Variants in IGF2BP3 observed in about 807,000 individuals in gnomAD.
The protein encoded by IGF2BP3 is insulin-like growth factor 2 mRNA-binding protein 3.
IGF2BP3 carries 9 observed loss-of-function variants against 73.8 expected under a neutral mutation model. The ratio of observed to expected loss-of-function variants is 0.12; its 90% CI spans 0.07 to 0.21. The LOEUF is 0.21. Among genes scored for constraint, IGF2BP3 ranks in the 10% least tolerant of loss-of-function variants. The pLI is 1.00. For synonymous variants in IGF2BP3, 258 were observed against 256.7 expected (o/e 1.01, Z -0.05); for missense variants, 542 against 714.0 (o/e 0.76, Z 2.75).
intron 2 of IGF2BP3, among the ~76,000 whole-genome samples, chr7:23,432,774 G>A (rs947566788): frequency 6.6e-6 from 1 of 152,044 alleles, no homozygotes; most frequent in African/African-American, 2.4e-5. Flanking sequence ...TCAAGTAGCT[G>A]GGACTACAGG....
chr7:23,388,263 A>G (rs934412471), intron 3 of IGF2BP3, among the ~76,000 whole-genome samples: 1 of 152,212 alleles, frequency 6.6e-6, no homozygotes, highest in Admixed American at 6.5e-5. Flanking sequence ...CATTAAATAT[A>G]TGATCCAGTT....
At chr7:23,331,332 T>C (rs564677482) in intron 10 of IGF2BP3, among the ~76,000 whole-genome samples, 8 of 152,318 alleles carry the variant, frequency 5.3e-5, no homozygotes, top group East Asian at 3.9e-4. Flanking sequence ...AAAAATTTGA[T>C]TGCATCATTA....
chr7:23,429,735 G>A (rs1787619244), intron 2 of IGF2BP3, among the ~76,000 whole-genome samples: 1 of 152,102 alleles, frequency 6.6e-6, no homozygotes, highest in Non-Finnish European at 1.5e-5. Context: ...GCAACTATGA[G>A]GAAAACACAA....
chr7:23,353,255 C>T lies in IGF2BP3; in HGVS notation c.402-1669G>A, dbSNP rs117802655. On this transcript the variant is annotated intron_variant, in intron 5 of 14. Transcript: ENST00000258729. The stretch of plus-strand genomic sequence containing the variant: ...CTTATACACTGCTTTATTTGCAAAT[C>T]TACTCTCAATTCTTAAATAGAAAAA... Among the ~76,000 whole-genome samples, 910 of 152,234 alleles carry T rather than the reference C, an allele frequency of 6.0e-3. 5 individuals carry two copies. Among genetic ancestry groups the T allele is most frequent in the Non-Finnish European group, 7.2e-3 (491 of 68,018 alleles).
At chr7:23,444,763 AAAT>A (rs1788019907) in intron 2 of IGF2BP3, among the ~76,000 whole-genome samples, 1 of 151,428 alleles carries the variant, frequency 6.6e-6, no homozygotes, top group Admixed American at 6.6e-5. Context: ...AAAAAAAAAA[AAAT>A]TGCTTTTTAA....
chr7:23,369,474 C>A (rs1785482046), intron 3 of IGF2BP3, among the ~76,000 whole-genome samples: 1 of 152,180 alleles, frequency 6.6e-6, no homozygotes, highest in African/African-American at 2.4e-5. Context: ...GCTTGACAGT[C>A]TTACCACGAA....
chr7:23,418,617 C>T (rs1787258895), intron 3 of IGF2BP3, among the ~76,000 whole-genome samples, 159 bp downstream of exon 3: 1 of 152,178 alleles, frequency 6.6e-6, no homozygotes, highest in Non-Finnish European at 1.5e-5. Context: ...ATACACTGTG[C>T]CCTTACTAAG....
At chr7:23,330,077 G>C (rs1324442331) in intron 10 of IGF2BP3, among the ~76,000 whole-genome samples, 3 of 152,006 alleles carry the variant, frequency 2.0e-5, no homozygotes, top group Admixed American at 1.3e-4. Context: ...ACAAGGTCAG[G>C]AGTTCGACAC....
At chr7:23,404,498 A>T (rs1164344191) in intron 3 of IGF2BP3, among the ~76,000 whole-genome samples, 1 of 152,174 alleles carries the variant, frequency 6.6e-6, no homozygotes, top group Non-Finnish European at 1.5e-5. Context: ...GTTGATAGTC[A>T]AGCTTTGAAA....
At chr7:23,369,539 G>C (rs948705984) in intron 3 of IGF2BP3, among the ~76,000 whole-genome samples, 2 of 152,042 alleles carry the variant, frequency 1.3e-5, no homozygotes, top group Non-Finnish European at 2.9e-5. Flanking sequence ...ATTGCACATG[G>C]ACAAACAGAA....
At chr7:23,427,358 C>A (rs1352836014) in intron 2 of IGF2BP3, among the ~76,000 whole-genome samples, 1 of 152,176 alleles carries the variant, frequency 6.6e-6, no homozygotes, top group Admixed American at 6.5e-5. Flanking sequence ...CTTTTCCTCA[C>A]TCCCCAATTC....
intron 6 of IGF2BP3, 44 bp from the exon 7 acceptor site, chr7:23,347,778 G>T: frequency 6.2e-7 from 1 of 1,612,428 alleles, no homozygotes; most frequent in Non-Finnish European, 8.5e-7. Context: ...AGCAGTAAGC[G>T]TGTATTCACA....
chr7:23,421,141 C>G (rs1248093189), intron 2 of IGF2BP3, among the ~76,000 whole-genome samples: 1 of 152,122 alleles, frequency 6.6e-6, no homozygotes, highest in Non-Finnish European at 1.5e-5. Context: ...TCCTGCGTAG[C>G]TGGGATTGCA....
chr7:23,355,784 T>C (rs1785081406), intron 5 of IGF2BP3, among the ~76,000 whole-genome samples: 1 of 152,056 alleles, frequency 6.6e-6, no homozygotes, highest in South Asian at 2.1e-4. Context: ...AGTACAAAAA[T>C]TAGCCAGGCA....
chr7:23,444,535 G>A (rs1788011359), intron 2 of IGF2BP3, among the ~76,000 whole-genome samples: 2 of 151,974 alleles, frequency 1.3e-5, no homozygotes, highest in Non-Finnish European at 2.9e-5. Context: ...GAGGCCAGGA[G>A]TTCAAGACCA....
chr7:23,350,447 C>T (rs373101207), intron 6 of IGF2BP3, among the ~76,000 whole-genome samples: 8 of 152,164 alleles, frequency 5.3e-5, no homozygotes, highest in African/African-American at 1.9e-4. Context: ...GGATGTGCCT[C>T]GTAGCACGTT....
intron 10 of IGF2BP3, among the ~76,000 whole-genome samples, chr7:23,335,225 G>A (rs1381352324): frequency 6.6e-6 from 1 of 151,892 alleles, no homozygotes; most frequent in South Asian, 2.1e-4. Context: ...GAAATCTTAA[G>A]GAGGAAGACT....
intron 10 of IGF2BP3, among the ~76,000 whole-genome samples, chr7:23,322,074 G>T (rs375376227): frequency 2.0e-5 from 3 of 152,222 alleles, no homozygotes; most frequent in African/African-American, 7.2e-5. Flanking sequence ...GCTGGACGGA[G>T]AGTGACTTTG....
At chr7:23,461,883 T>C (rs1788457696) in intron 2 of IGF2BP3, among the ~76,000 whole-genome samples, 1 of 152,182 alleles carries the variant, frequency 6.6e-6, no homozygotes, top group African/African-American at 2.4e-5. Flanking sequence ...GAATCTGAGC[T>C]AGCCTGATGA....
Sources: allele counts gnomAD v4.1 joint callset (sites outside exome capture counted in the v4.1 genomes callset), GRCh38; gene constraint gnomAD v4.1.1; transcripts MANE v1.5; gene names NCBI Gene and HGNC (gene_info 2026-07-23, HGNC 2026-07-21).